Variants in PSG5 observed in about 807,000 individuals in gnomAD.
PSG5 encodes the protein pregnancy specific beta-1-glycoprotein 5, also known as pregnancy-specific beta-1-glycoprotein 5.
In PSG5, 53 loss-of-function variants were observed where a neutral mutation model predicts 37.7. That is an observed-to-expected ratio of 1.41 (90% CI 1.13 to 1.77). The LOEUF (loss-of-function observed/expected upper bound fraction) is 1.77. Ranked by LOEUF, PSG5 falls within the 40% of genes most tolerant of loss-of-function variation. PSG5 has a pLI of 0.00. For synonymous variants in PSG5, 221 were observed against 155.4 expected, an observed-to-expected ratio of 1.42 and a Z score of -3.14; for missense variants, 547 against 405.2, an observed-to-expected ratio of 1.35 and a Z score of -3.00.
rs150128641 is a variant in PSG5 at position 43,184,782 on chromosome 19, G to T, written c.430C>A (p.Leu144Met). 375 of 1,611,978 alleles carry T rather than the reference G, an allele frequency of 2.3e-4. 10 individuals are homozygous for T. The highest frequency in any genetic ancestry group is 2.7e-4 in the Non-Finnish European group (323 of 1,178,924). ...VTGYFTFNLY[L>M]KLPKPYITIN... The stretch of plus-strand genomic sequence containing the variant: ...CCAGGGATCATGTGGAATCACTCAC[G>T]GTATAAGTTGAAGGTGAAATATCCA... The change falls in exon 2 of 6, where the codon CTG (leucine) becomes ATG (methionine). Residue 144 changes from leucine to methionine, a missense_variant and splice_region_variant. Transcript: ENST00000342951.
chr19:43,173,856 C>T (rs1428330624), intron 4 of PSG5, among the ~76,000 whole-genome samples: 1 of 151,482 alleles, frequency 6.6e-6, no homozygotes, highest in Admixed American at 6.6e-5. Flanking sequence ...TCCAGCAATT[C>T]CACTTCTGGA....
In PSG5 at chr19:43,184,982, T is replaced by C; in HGVS notation, c.230A>G (p.His77Arg). Residue 77 changes from histidine to arginine, a missense_variant, in exon 2 of 6, where the codon CAT (histidine) becomes CGT (arginine). Coordinates refer to ENST00000342951, the MANE Select transcript of PSG5 (RefSeq NM_002781.4). ...GTCTACTACATATGATGTAATGTAA[T>C]GGTAGAGGTCCATCAGTTGTCCTTT... ...WYKGQLMDLY[H>R]YITSYVVDGQ... 11 of 1,612,466 alleles carry C rather than the reference T, an allele frequency of 6.8e-6. No homozygotes were observed. Among genetic ancestry groups the C allele is most frequent in the Non-Finnish European group, 9.3e-6 (11 of 1,179,092 alleles).
intron 2 of PSG5, chr19:43,180,551 C>G (rs1239311643): frequency 6.6e-6 from 1 of 151,124 alleles, no homozygotes; most frequent in Non-Finnish European, 1.5e-5. Context: ...TGTAATTTTC[C>G]CATAAAAAGT....
chr19:43,170,281 A>G (rs1968877669), intron 4 of PSG5, 143 bp from the exon 5 acceptor site: 2 of 873,724 alleles, frequency 2.3e-6, no homozygotes, highest in East Asian at 7.3e-5. Flanking sequence ...TTGATGGGAG[A>G]TGATTATATT....
chr19:43,179,906 C>T lies in PSG5; in HGVS notation c.431-3758G>A, dbSNP rs958040886. ...TGTTCTGGGTCCATGATGCTTCCTT[C>T]CCCTTGTAGAGGGCAGGTGAGGACC... On this transcript the variant is annotated intron_variant, in intron 2 of 5. Transcript: ENST00000342951. Among the ~76,000 whole-genome samples the T allele has an allele frequency of 2.6e-5, 4 of 151,754 alleles. 1 individual carries two copies. The highest frequency in any genetic ancestry group is 7.3e-5 in the African/African-American group (3 of 41,238).
At chr19:43,173,873 C>T (rs2122209514) in intron 4 of PSG5, among the ~76,000 whole-genome samples, 1 of 151,594 alleles carries the variant, frequency 6.6e-6, no homozygotes, top group East Asian at 1.9e-4. Context: ...TGGACAAACT[C>T]CCCATAGAAA....
intron 2 of PSG5, 100 bp from the exon 3 acceptor site, chr19:43,176,248 C>A: frequency 1.9e-6 from 3 of 1,539,796 alleles, no homozygotes; most frequent in East Asian, 4.5e-5. Context: ...GTCAACCCAC[C>A]AGAGTCCTTG....
chr19:43,186,500 C>G lies in PSG5; in HGVS notation c.-95G>C. On this transcript the variant is annotated 5_prime_UTR_variant, in exon 1 of 6. Coordinates refer to ENST00000342951, the MANE Select transcript of PSG5 (RefSeq NM_002781.4). ...GTAGGCTGTGCTGTCCTTCCTCCTT[C>G]TGTGCTGAGCCTCTCTCCAGGGCAG... The G allele has an allele frequency of 3.2e-6, 5 of 1,565,366 alleles. No individual in the cohort carries two copies. Among genetic ancestry groups the G allele is most frequent in the African/African-American group, 1.4e-5 (1 of 72,962 alleles).
intron 3 of PSG5, 92 bp downstream of exon 3, chr19:43,175,778 T>C (rs1052030242): frequency 3.8e-6 from 6 of 1,575,836 alleles, no homozygotes; most frequent in Non-Finnish European, 4.3e-6. Flanking sequence ...AAGGTGTCTA[T>C]ACTTGGACCG....
At chr19:43,172,370 A>G (rs556246422) in intron 4 of PSG5, among the ~76,000 whole-genome samples, 1 of 151,782 alleles carries the variant, frequency 6.6e-6, no homozygotes, top group East Asian at 1.9e-4. Flanking sequence ...TATTCAACAT[A>G]GTATTGAAAG....
Position 43,184,889 on chromosome 19 carries a change from A to G in PSG5, c.323T>C (p.Leu108Pro). Residue 108 changes from leucine to proline, a missense_variant, in exon 2 of 6, where the codon CTG becomes CCG. Leu to Pro is a moderately conservative substitution (Grantham distance 98). Coordinates refer to ENST00000342951, the MANE Select transcript of PSG5 (RefSeq NM_002781.4). The part of the protein sequence containing the change: ...RETVYSNASL[L>P]IQNVTREDAG... ...GTCTTCCCGGGTGACATTCTGGATC[A>G]GCAGGGATGCATTGGAATATACTGT... The G allele has an allele frequency of 1.9e-6, 3 of 1,612,684 alleles. No homozygotes were observed. The highest frequency in any genetic ancestry group is 2.5e-6 in the Non-Finnish European group (3 of 1,179,200).
chr19:43,179,550 G>A (rs975028567), intron 2 of PSG5, among the ~76,000 whole-genome samples: 2 of 151,744 alleles, frequency 1.3e-5, no homozygotes, highest in African/African-American at 4.9e-5. Context: ...GTCCCCCGAG[G>A]TATGTTTTCT....
At chr19:43,184,305 C>T (rs960708712) in intron 2 of PSG5, among the ~76,000 whole-genome samples, 2 of 151,656 alleles carry the variant, frequency 1.3e-5, no homozygotes, top group Non-Finnish European at 2.9e-5. Flanking sequence ...TTCTTGGTCC[C>T]AGTAAGGCCT....
chr19:43,176,190 T>A (rs929419149), intron 2 of PSG5, 42 bp from the exon 3 acceptor site: 15 of 1,602,776 alleles, frequency 9.4e-6, no homozygotes, highest in Admixed American at 6.7e-5. Flanking sequence ...TGTGGCACCT[T>A]TGATTCCTCC....
chr19:43,186,111 G>C (rs1171127195), intron 1 of PSG5, among the ~76,000 whole-genome samples: 1 of 151,160 alleles, frequency 6.6e-6, no homozygotes, highest in Non-Finnish European at 1.5e-5. Context: ...AGAGTAGCTA[G>C]GATTCCAAGA....
rs778740253 is a variant in PSG5 at position 43,175,490 on chromosome 19, C to A, written c.710-21G>T. On this transcript the variant is annotated intron_variant, in intron 3 of 5. Coordinates refer to ENST00000342951, the MANE Select transcript of PSG5 (RefSeq NM_002781.4). The stretch of plus-strand genomic sequence containing the variant: ...ACCATCTGGAGCAAAGAGAATGAAG[C>A]CACAGGTGATGTCATCCAAGGGAAG... The A allele has an allele frequency of 4.4e-6, 7 of 1,591,392 alleles. 1 individual carries two copies. The highest frequency in any genetic ancestry group is 6.0e-6 in the Non-Finnish European group (7 of 1,168,664).
chr19:43,181,898 C>T (rs1461123826), intron 2 of PSG5, among the ~76,000 whole-genome samples: 1 of 151,682 alleles, frequency 6.6e-6, no homozygotes, highest in East Asian at 1.9e-4. Flanking sequence ...AATGTGAGCT[C>T]CATAGTAGTT....
At position 43,178,768 on chromosome 19, in the gene PSG5, C is replaced by A. The variant is rs140096742; in HGVS notation, c.431-2620G>T. 9.9e-5 allele frequency: 159 copies of A among 1,606,172 alleles called. No individual in the cohort carries two copies. In the Middle Eastern group the frequency reaches 2.4e-3, roughly 24 times the overall value. On this transcript the variant is annotated intron_variant, in intron 2 of 5. Coordinates refer to ENST00000342951, the MANE Select transcript of PSG5 (RefSeq NM_002781.4). ...AGAAAGTCATGGCCAGCTTTGATGTCCAGGGGTAAAGGTCTCTGTACTTGG... is the reference window on the plus strand; with the variant it reads ...AGAAAGTCATGGCCAGCTTTGATGTACAGGGGTAAAGGTCTCTGTACTTGG...
intron 4 of PSG5, among the ~76,000 whole-genome samples, chr19:43,171,794 G>C (rs972220203): frequency 1.3e-5 from 2 of 151,226 alleles, no homozygotes; most frequent in African/African-American, 4.9e-5. Context: ...CTGGGGAGAT[G>C]CTGTCTCTAC....
Sources: gnomAD v4.1 joint callset for allele counts (sites outside exome capture counted in the v4.1 genomes callset) on GRCh38, gnomAD v4.1.1 for gene constraint, MANE v1.5 for transcripts, NCBI Gene and HGNC (gene_info 2026-07-23, HGNC 2026-07-21) for gene names.